Variants in HPSE2 observed in about 807,000 individuals in gnomAD.
HPSE2 encodes the protein heparanase 2 (inactive).
In HPSE2, 38 loss-of-function variants were observed where a neutral mutation model predicts 60.5. The observed-to-expected ratio is 0.63, with a 90% confidence interval of 0.48 to 0.82. The LOEUF (loss-of-function observed/expected upper bound fraction) is 0.82. Ranked by LOEUF, HPSE2 falls within the 40% of genes least tolerant of loss-of-function variation. The pLI is 0.00. For missense variants in HPSE2, 713 were observed against 740.4 expected (o/e 0.96, Z 0.43); for synonymous variants, 295 against 293.2 (o/e 1.01, Z -0.06).
At chr10:99,147,433 T>C (rs967040443) in intron 2 of HPSE2, among the ~76,000 whole-genome samples, 1 of 152,210 alleles carries the variant, frequency 6.6e-6, no homozygotes, top group Non-Finnish European at 1.5e-5. Context: ...TACCCTGATA[T>C]CTTCTGACAC....
At chr10:98,993,372 T>C (rs1956571510) in intron 3 of HPSE2, among the ~76,000 whole-genome samples, 1 of 152,340 alleles carries the variant, frequency 6.6e-6, no homozygotes, top group Middle Eastern at 3.4e-3. Context: ...AATGATTTGT[T>C]AAAATTGAAT....
At chr10:98,544,306 G>A (rs1943576829) in intron 9 of HPSE2, among the ~76,000 whole-genome samples, 1 of 152,164 alleles carries the variant, frequency 6.6e-6, no homozygotes, top group Admixed American at 6.5e-5. Flanking sequence ...CAACATACCA[G>A]AATCTCTGGG....
the HPSE2 span, among the ~76,000 whole-genome samples, chr10:99,305,564 G>T: frequency 6.6e-6 from 1 of 152,126 alleles, no homozygotes; most frequent in Non-Finnish European, 1.5e-5. Context: ...AGGGTTGATG[G>T]GTAAATCACC....
intron 6 of HPSE2, among the ~76,000 whole-genome samples, chr10:98,672,502 G>A (rs1331103427): frequency 6.6e-6 from 1 of 152,208 alleles, no homozygotes; most frequent in African/African-American, 2.4e-5. Context: ...TGATGGCGGT[G>A]GTGATGGTGG....
intron 2 of HPSE2, among the ~76,000 whole-genome samples, chr10:99,176,919 T>C (rs944713382): frequency 1.3e-5 from 2 of 152,016 alleles, no homozygotes; most frequent in African/African-American, 4.8e-5. Context: ...TAACAGGGTA[T>C]CTCTCTGCAG....
At chr10:98,588,324 C>T (rs977661100) in intron 9 of HPSE2, among the ~76,000 whole-genome samples, 12 of 152,028 alleles carry the variant, frequency 7.9e-5, no homozygotes, top group African/African-American at 2.9e-4. Context: ...CAGTGTTTAT[C>T]CTACTAATTT....
At chr10:98,683,303 A>C (rs191868222) in intron 6 of HPSE2, among the ~76,000 whole-genome samples, 8 of 152,172 alleles carry the variant, frequency 5.3e-5, no homozygotes, top group African/African-American at 1.4e-4. Context: ...GAGTAAGACA[A>C]ATAGGGAGAA....
At chr10:99,166,238 C>G (rs12357583) in intron 2 of HPSE2, among the ~76,000 whole-genome samples, 1 of 152,106 alleles carries the variant, frequency 6.6e-6, no homozygotes, top group African/African-American at 2.4e-5. Context: ...TTCTAGTTTT[C>G]GAGAATGAAT....
intron 3 of HPSE2, among the ~76,000 whole-genome samples, chr10:98,959,010 G>C (rs978277302): frequency 6.6e-6 from 1 of 152,026 alleles, no homozygotes; most frequent in African/African-American, 2.4e-5. Context: ...TTAAAGAGTT[G>C]ATGTTAAGAG....
chr10:99,029,002 A>C (rs1957439104), intron 3 of HPSE2, among the ~76,000 whole-genome samples: 1 of 152,230 alleles, frequency 6.6e-6, no homozygotes, highest in African/African-American at 2.4e-5. Flanking sequence ...AAAGACTTAA[A>C]TCTAAGACCT....
intron 9 of HPSE2, among the ~76,000 whole-genome samples, chr10:98,594,500 C>CA (rs1945177683): frequency 1.3e-5 from 2 of 151,908 alleles, no homozygotes; most frequent in East Asian, 3.9e-4. Context: ...ATGTCATCTG[C>CA]AAAAAGGAAC....
chr10:98,644,420 A>G (rs1371715827), intron 6 of HPSE2, among the ~76,000 whole-genome samples: 1 of 152,204 alleles, frequency 6.6e-6, no homozygotes, highest in African/African-American at 2.4e-5. Context: ...ACTTGGAGTG[A>G]GGAAAGTGTA....
At chr10:99,030,919 T>C (rs1352781603) in intron 3 of HPSE2, among the ~76,000 whole-genome samples, 1 of 152,022 alleles carries the variant, frequency 6.6e-6, no homozygotes, top group Non-Finnish European at 1.5e-5. Context: ...ATTTGTGGAA[T>C]CCAAAAATCA....
intron 9 of HPSE2, among the ~76,000 whole-genome samples, chr10:98,598,490 G>A (rs1019744375): frequency 1.3e-5 from 2 of 152,194 alleles, no homozygotes; most frequent in East Asian, 1.9e-4. Flanking sequence ...GGTCCATAGA[G>A]GTTGACCTGG....
chr10:98,534,254 C>T lies in HPSE2; in HGVS notation c.1321-44058G>A, dbSNP rs574797201. Among the ~76,000 whole-genome samples, 197 of 152,138 alleles carry T rather than the reference C, an allele frequency of 1.3e-3. 6 individuals carry two copies. Among genetic ancestry groups the T allele is most frequent in the Non-Finnish European group, 4.0e-4 (27 of 68,022 alleles). ...CACTTGGTGCTTCAAATAACACTGC[C>T]ATGACTCATAACCATTTGGATATTT... is the stretch of plus-strand genomic sequence containing the variant. On this transcript the variant is annotated intron_variant, in intron 9 of 11. Transcript: ENST00000370552.
chr10:98,597,941 A>C (rs1945288728), intron 9 of HPSE2, among the ~76,000 whole-genome samples: 1 of 135,980 alleles, frequency 7.4e-6, no homozygotes, highest in Admixed American at 7.9e-5. Flanking sequence ...ACTGCACTCC[A>C]GCCTGGGTGA....
chr10:98,531,950 C>A (rs1316200157), intron 9 of HPSE2, among the ~76,000 whole-genome samples: 10 of 152,158 alleles, frequency 6.6e-5, no homozygotes, highest in Non-Finnish European at 1.5e-5. Context: ...CTTATAAGTA[C>A]TCCATAACTG....
intron 3 of HPSE2, among the ~76,000 whole-genome samples, chr10:98,973,435 A>C (rs1403630274): frequency 6.6e-6 from 1 of 152,248 alleles, no homozygotes; most frequent in Non-Finnish European, 1.5e-5. Context: ...CACCAAGGTG[A>C]GCCATTAATT....
At chr10:98,862,691 A>G (rs536693841) in intron 3 of HPSE2, among the ~76,000 whole-genome samples, 47 of 152,298 alleles carry the variant, frequency 3.1e-4, no homozygotes, top group African/African-American at 1.0e-3. Flanking sequence ...AAAAGAGTAG[A>G]GTAGGCAAGA....
Sources: allele counts gnomAD v4.1 joint callset (sites outside exome capture counted in the v4.1 genomes callset), GRCh38; gene constraint gnomAD v4.1.1; transcripts MANE v1.5; gene names NCBI Gene and HGNC (gene_info 2026-07-23, HGNC 2026-07-21).